ADM2: variants seen among roughly 807,000 people sequenced by gnomAD.
The protein encoded by ADM2 is protein ADM2.
In ADM2, 5 loss-of-function variants were observed where a neutral mutation model predicts 7.1. That is an observed-to-expected ratio of 0.71 (90% CI 0.37 to 1.49). The LOEUF is 1.49. ADM2 is among the 40% of genes most tolerant of loss of function. ADM2 has a pLI of 0.03. For missense variants in ADM2, 236 were observed against 211.2 expected, an observed-to-expected ratio of 1.12 and a Z score of -0.73; for synonymous variants, 123 against 92.8, an observed-to-expected ratio of 1.33 and a Z score of -1.87.
chr22:50,482,882 C>T lies in ADM2; in HGVS notation c.426C>T (p.Ser142=), dbSNP rs1179960153. ...AGGACTCAGCTCCTGTGGACCCCAG[C>T]AGCCCCCACAGCTATGGCTGAGGTG... is the stretch of plus-strand genomic sequence containing the variant. ...GRQDSAPVDP[S]SPHSYG is the part of the protein sequence containing the mutation. The change falls in exon 3 of 3, where the codon AGC becomes AGT. Residue 142 remains serine (S), a synonymous_variant. Coordinates refer to ENST00000395737, the MANE Select transcript of ADM2 (RefSeq NM_001253845.2). 1 of 1,600,386 alleles carries T rather than the reference C, an allele frequency of 6.2e-7. No individual in the cohort carries two copies. Among genetic ancestry groups the T allele is most frequent in the Non-Finnish European group, 8.5e-7 (1 of 1,177,440 alleles).
At position 50,482,771 on chromosome 22, in the gene ADM2, C is replaced by T; in HGVS notation, c.315C>T (p.Leu105=). 1 of 1,607,898 alleles carries T rather than the reference C, an allele frequency of 6.2e-7. No individual in the cohort carries two copies. Among genetic ancestry groups the T allele is most frequent in the Non-Finnish European group, 8.5e-7 (1 of 1,178,654 alleles). ...GCCCCCGCAGGACCCAAGCCCAGCTCCTGCGAGTGGGCTGTGTGCTGGGCA... is the reference window on the plus strand; with the variant it reads ...GCCCCCGCAGGACCCAAGCCCAGCTTCTGCGAGTGGGCTGTGTGCTGGGCA... ...HSGPRRTQAQ[L]LRVGCVLGTC... Residue 105 remains leucine, a synonymous_variant, in exon 3 of 3, where the codon CTC becomes CTT. Transcript: ENST00000395737.
chr22:50,481,981 C>T, intron 2 of ADM2, 24 bp downstream of exon 2: 2 of 1,524,150 alleles, frequency 1.3e-6, no homozygotes, highest in African/African-American at 1.4e-5. Flanking sequence ...TTGGGCCAGC[C>T]AACCCCTCTG....
chr22:50,483,157 C>A lies in ADM2; in HGVS notation c.*254C>A. The A allele has an allele frequency of 1.4e-6, 1 of 697,434 alleles. No homozygotes were observed. The highest frequency in any genetic ancestry group is 1.5e-5 in the South Asian group (1 of 66,906). The allele number at this position is 697,434 out of a possible 1,614,324, so 43.2% of individuals were successfully genotyped here. A position where few individuals can be genotyped will look rare whatever the true frequency, so the allele number is the denominator to read the frequency against. ...TGCCAGACACAGCTGGCGGCAGCAC[C>A]AGATGCTAAGCGCTTCAGAGAGGAG... On this transcript the variant is annotated 3_prime_UTR_variant, in exon 3 of 3. Transcript: ENST00000395737.
chr22:50,481,609 C>T lies in ADM2; in HGVS notation c.-166C>T, dbSNP rs2068195938. On this transcript the variant is annotated 5_prime_UTR_variant, in exon 1 of 3. Transcript: ENST00000395737. ...CGCGACTCCGCTCCAGGCAGGACCC[C>T]CAACCCGCCCAGCCCGCTCCGCCTT... The T allele has an allele frequency of 8.0e-6, 2 of 250,860 alleles. No homozygotes were observed. Among genetic ancestry groups the T allele is most frequent in the Middle Eastern group, 1.2e-3 (1 of 816 alleles). The allele number at this position is 250,860 out of a possible 1,614,324, so 15.5% of individuals were successfully genotyped here. A position where few individuals can be genotyped will look rare whatever the true frequency, so the allele number is the denominator to read the frequency against.
rs867535679 is a variant in ADM2 at position 50,485,342 on chromosome 22, G to C, written c.*2439G>C. On this transcript the variant is annotated 3_prime_UTR_variant, in exon 3 of 3. Transcript: ENST00000395737. Reference sequence around the variant, plus strand: ...AGCTTGGATGACAGAGCAAGACTCCGTTTCAAAAAAAAAAAACCTCCTCTC... The same window carrying C: ...AGCTTGGATGACAGAGCAAGACTCCCTTTCAAAAAAAAAAAACCTCCTCTC... 1 of 86,272 alleles carries C rather than the reference G, an allele frequency of 1.2e-5. No individual in the cohort carries two copies. The highest frequency in any genetic ancestry group is 4.9e-5 in the African/African-American group (1 of 20,618). The allele number at this position is 86,272 out of a possible 1,614,324, so 5.3% of individuals were successfully genotyped here.
chr22:50,483,275 G>A lies in ADM2; in HGVS notation c.*372G>A. ...GGGAGAGAGGCTGAACTGGCCAGAA[G>A]TGGCCCCTCCGCTGCTGGTCCAGTC... On this transcript the variant is annotated 3_prime_UTR_variant, in exon 3 of 3. Transcript: ENST00000395737. 2.0e-6 allele frequency: 1 copy of A among 495,558 alleles called. No individual in the cohort carries two copies. The highest frequency in any genetic ancestry group is 4.0e-6 in the Non-Finnish European group (1 of 252,924). The allele number at this position is 495,558 out of a possible 1,614,324, so 30.7% of individuals were successfully genotyped here. A position where few individuals can be genotyped will look rare whatever the true frequency, so the allele number is the denominator to read the frequency against.
intron 1 of ADM2, 30 bp from the exon 2 acceptor site, chr22:50,481,807 G>T: frequency 7.1e-7 from 1 of 1,403,646 alleles, no homozygotes. Context: ...TGCCCCCGAC[G>T]TGCCCGGCTC....
chr22:50,481,801 C>T, intron 1 of ADM2, 36 bp from the exon 2 acceptor site: 4 of 1,369,322 alleles, frequency 2.9e-6, no homozygotes, highest in Non-Finnish European at 3.9e-6. Flanking sequence ...TCAGGCTGCC[C>T]CCGACGTGCC....
rs1195582046 is a variant in ADM2 at position 50,485,972 on chromosome 22, G to C, written c.*3069G>C. The C allele has an allele frequency of 3.3e-5, 5 of 152,272 alleles. No homozygotes were observed. The highest frequency in any genetic ancestry group is 3.3e-4 in the Admixed American group (5 of 15,284). 9.4% of individuals were successfully genotyped at this position (152,272 alleles called of 1,614,324 possible). On this transcript the variant is annotated 3_prime_UTR_variant, in exon 3 of 3. Coordinates refer to ENST00000395737, the MANE Select transcript of ADM2 (RefSeq NM_001253845.2). ...TCACGGTGTCCTCCATGCCTGCAGG[G>C]CCCATGCATGGGAAGTTGCGTTGGC...
rs201693188 is a variant in ADM2 at position 50,482,623 on chromosome 22, G to C, written c.167G>C (p.Arg56Pro). Residue 56 changes from arginine to proline, a missense_variant, in exon 3 of 3, where the codon CGA (arginine) becomes CCA (proline). Arg to Pro is a moderately radical substitution (Grantham distance 103). Transcript: ENST00000395737. ...SSLQPRHPAP[R>P]PVVWKLHRAL... is the part of the protein sequence containing the mutation. ...CTGCAGCCCAGGCACCCCGCACCCCGACCTGTGGTCTGGAAGCTTCACCGG... is the reference window on the plus strand; with the variant it reads ...CTGCAGCCCAGGCACCCCGCACCCCCACCTGTGGTCTGGAAGCTTCACCGG... 1.3e-6 allele frequency: 2 copies of C among 1,517,462 alleles called. No homozygotes were observed. The highest frequency in any genetic ancestry group is 1.8e-6 in the Non-Finnish European group (2 of 1,131,002). The allele number at this position is 1,517,462 out of a possible 1,614,324, so 94.0% of individuals were successfully genotyped here. A position where few individuals can be genotyped will look rare whatever the true frequency, so the allele number is the denominator to read the frequency against.
In ADM2 at chr22:50,482,676, C is replaced by T. The variant is rs780355468; in HGVS notation, c.220C>T (p.Leu74=). 2.5e-6 allele frequency: 4 copies of T among 1,594,730 alleles called. No homozygotes were observed. Among genetic ancestry groups the T allele is most frequent in the South Asian group, 1.1e-5 (1 of 89,282 alleles). The change falls in exon 3 of 3, where the codon CTG becomes TTG. Residue 74 remains leucine (L), a synonymous_variant. Transcript: ENST00000395737. ...RALQAQRGAG[L]APVMGQPLRD... The stretch of plus-strand genomic sequence containing the variant: ...CCTCCAGGCACAGAGGGGTGCCGGC[C>T]TGGCCCCTGTTATGGGTCAGCCTCT...
At chr22:50,482,399 C>G (rs973001615) in intron 2 of ADM2, among the ~76,000 whole-genome samples, 168 bp from the exon 3 acceptor site, 3 of 152,108 alleles carry the variant, frequency 2.0e-5, no homozygotes, top group Non-Finnish European at 4.4e-5. Context: ...CAGGCCCAAG[C>G]CCAGAGGGGA....
intron 2 of ADM2, 23 bp from the exon 3 acceptor site, chr22:50,482,544 A>T: frequency 6.9e-7 from 1 of 1,449,102 alleles, no homozygotes; most frequent in South Asian, 1.5e-5. Flanking sequence ...CATCTGGTTG[A>T]CATTCTCCAT....
In ADM2 at chr22:50,481,926, C is replaced by G. The variant is rs759960397; in HGVS notation, c.79C>G (p.Leu27Val). ...LQLPGSLSRSLGGDPRPVKPR... is the reference protein window; with the variant it reads ...LQLPGSLSRSVGGDPRPVKPR... ...GCTCCCTGGCTCGCTGTCCCGCAGCCTGGGCGGGGACCCGCGACCCGTCAA... is the reference window on the plus strand; with the variant it reads ...GCTCCCTGGCTCGCTGTCCCGCAGCGTGGGCGGGGACCCGCGACCCGTCAA... The change falls in exon 2 of 3, where the codon CTG becomes GTG. Residue 27 changes from leucine (L) to valine (V), a missense_variant. Leu to Val is a conservative substitution (Grantham distance 32). Coordinates refer to ENST00000395737, the MANE Select transcript of ADM2 (RefSeq NM_001253845.2). 43 of 1,537,466 alleles carry G rather than the reference C, an allele frequency of 2.8e-5. No homozygotes were observed. Among genetic ancestry groups the G allele is most frequent in the Middle Eastern group, 1.7e-4 (1 of 5,964 alleles).
rs543120240 is a variant in ADM2, at chr22:50,485,804, C to G, written c.*2901C>G. On this transcript the variant is annotated 3_prime_UTR_variant, in exon 3 of 3. Transcript: ENST00000395737. ...CTGCCCACAGCCCTCTTGCCTGACC[C>G]CTGAAGCCCAGAACTCTGATCTTCA... 1 of 152,578 alleles carries G rather than the reference C, an allele frequency of 6.6e-6. No homozygotes were observed. Among genetic ancestry groups the G allele is most frequent in the Non-Finnish European group, 1.5e-5 (1 of 68,246 alleles). 9.5% of individuals were successfully genotyped at this position (152,578 alleles called of 1,614,324 possible). A position where few individuals can be genotyped will look rare whatever the true frequency, so the allele number is the denominator to read the frequency against.
chr22:50,482,257 AAAGG>A (rs1048868316), intron 2 of ADM2, among the ~76,000 whole-genome samples: 1 of 151,894 alleles, frequency 6.6e-6, no homozygotes, highest in African/African-American at 2.4e-5. Context: ...TGACCACCCT[AAAGG>A]GAGGGCAGAA....
Position 50,482,801 on chromosome 22 carries a change from C to T in ADM2, c.345C>T (p.Cys115=), listed in dbSNP as rs765073517. 4 of 1,608,020 alleles carry T rather than the reference C, an allele frequency of 2.5e-6. No homozygotes were observed. The African/African-American group carries it at 5.3e-5, about 21-fold the overall frequency. Reference sequence around the variant, plus strand: ...GAGTGGGCTGTGTGCTGGGCACCTGCCAGGTGCAGAATCTCAGCCACCGCC... The same window carrying T: ...GAGTGGGCTGTGTGCTGGGCACCTGTCAGGTGCAGAATCTCAGCCACCGCC... ...LLRVGCVLGT[C]QVQNLSHRLW... is the part of the protein sequence containing the mutation. The change falls in exon 3 of 3, where the codon TGC becomes TGT. Residue 115 remains cysteine (C), a synonymous_variant. Transcript: ENST00000395737.
At position 50,482,992 on chromosome 22, in the gene ADM2, C is replaced by A. The variant is rs537686058; in HGVS notation, c.*89C>A. The A allele has an allele frequency of 6.5e-7, 1 of 1,530,506 alleles. No individual in the cohort carries two copies. Among genetic ancestry groups the A allele is most frequent in the Non-Finnish European group, 8.8e-7 (1 of 1,141,674 alleles). 94.8% of individuals were successfully genotyped at this position (1,530,506 alleles called of 1,614,324 possible). A position where few individuals can be genotyped will look rare whatever the true frequency, so the allele number is the denominator to read the frequency against. On this transcript the variant is annotated 3_prime_UTR_variant, in exon 3 of 3. Coordinates refer to ENST00000395737, the MANE Select transcript of ADM2 (RefSeq NM_001253845.2). ...AGCTGAGCCCCATCTGAAGCCCAGTCCCTCGGAGCTGCAGACAGCAGGTCC... is the reference window on the plus strand; with the variant it reads ...AGCTGAGCCCCATCTGAAGCCCAGTACCTCGGAGCTGCAGACAGCAGGTCC...
chr22:50,481,680 G>T lies in ADM2; in HGVS notation c.-95G>T, dbSNP rs112875909. ...ACCCCAGACCCGCTGCCCGCTTCGC[G>T]CCCGAGGCCTGCGCCCCGACGGACG... is the stretch of plus-strand genomic sequence containing the variant. On this transcript the variant is annotated 5_prime_UTR_variant, in exon 1 of 3. Coordinates refer to ENST00000395737, the MANE Select transcript of ADM2 (RefSeq NM_001253845.2). 1 of 337,098 alleles carries T rather than the reference G, an allele frequency of 3.0e-6. No homozygotes were observed. The highest frequency in any genetic ancestry group is 1.1e-4 in the South Asian group (1 of 8,752). 20.9% of individuals were successfully genotyped at this position (337,098 alleles called of 1,614,324 possible).
Sources: gnomAD v4.1 joint callset for allele counts (sites outside exome capture counted in the v4.1 genomes callset) on GRCh38, gnomAD v4.1.1 for gene constraint, MANE v1.5 for transcripts, NCBI Gene and HGNC (gene_info 2026-07-23, HGNC 2026-07-21) for gene names.